The following KLHL32 variants were observed in gnomAD, a reference collection of about 807,000 sequenced individuals.
KLHL32 encodes the protein kelch-like protein 32.
Under a neutral mutation model 64.8 loss-of-function variants are expected in KLHL32, and 35 were observed. That is an observed-to-expected ratio of 0.54 (90% CI 0.41 to 0.72). The LOEUF (loss-of-function observed/expected upper bound fraction) is 0.72. KLHL32 is among the 30% of genes least tolerant of loss of function. KLHL32 has a pLI of 0.00. For missense variants in KLHL32, 589 were observed against 768.5 expected (o/e 0.77, Z 2.76); for synonymous variants, 259 against 281.0 (o/e 0.92, Z 0.78).
At chr6:97,000,186 G>A (rs1562230259) in intron 3 of KLHL32, among the ~76,000 whole-genome samples, 1 of 152,186 alleles carries the variant, frequency 6.6e-6, no homozygotes, top group Non-Finnish European at 1.5e-5. Flanking sequence ...GAGGACTCAG[G>A]AAAATTCAAC....
intron 4 of KLHL32, among the ~76,000 whole-genome samples, chr6:97,056,356 T>C (rs528142666): frequency 4.5e-4 from 68 of 152,186 alleles, no homozygotes; most frequent in South Asian, 2.5e-3. Context: ...CCTCCCGCCT[T>C]GGCCTCCCAA....
the KLHL32 span, among the ~76,000 whole-genome samples, chr6:96,903,287 ATACT>A: frequency 4.6e-5 from 7 of 151,896 alleles, no homozygotes; most frequent in East Asian, 1.9e-4. Context: ...TACAATTATA[ATACT>A]TACTCTCATT....
intron 4 of KLHL32, among the ~76,000 whole-genome samples, chr6:97,054,083 A>C (rs902467877): frequency 5.3e-5 from 8 of 152,142 alleles, no homozygotes; most frequent in Non-Finnish European, 8.8e-5. Context: ...ATTCTAACTT[A>C]AGTTTTTTAA....
chr6:97,125,918 T>G (rs892361539), intron 7 of KLHL32, among the ~76,000 whole-genome samples: 2 of 152,186 alleles, frequency 1.3e-5, no homozygotes, highest in Middle Eastern at 6.3e-3. Context: ...CAAGCAGCTT[T>G]TAAAATGATT....
chr6:96,928,683 G>T (rs1386693835), intron 1 of KLHL32, among the ~76,000 whole-genome samples: 1 of 152,106 alleles, frequency 6.6e-6, no homozygotes, highest in Admixed American at 6.6e-5. Context: ...TTCCTCTCAT[G>T]ATATCACTTT....
chr6:97,105,591 A>G (rs1035884543), intron 6 of KLHL32: 1 of 454,388 alleles, frequency 2.2e-6, no homozygotes, highest in African/African-American at 2.0e-5. Flanking sequence ...GTGCACCTTC[A>G]GCAGAGCTAT....
At chr6:97,126,057 GTT>G (rs1798841579) in intron 7 of KLHL32, among the ~76,000 whole-genome samples, 1 of 152,174 alleles carries the variant, frequency 6.6e-6, no homozygotes, top group South Asian at 2.1e-4. Context: ...CTGGGGGAAT[GTT>G]AAGGCCCTCT....
At chr6:96,975,902 C>A (rs576912136) in intron 2 of KLHL32, 95 bp from the exon 3 acceptor site, 167 of 913,320 alleles carry the variant, frequency 1.8e-4, no homozygotes, top group Admixed American at 1.7e-3. Context: ...CACTGGAACC[C>A]GTGTTGCCTC....
In KLHL32 at chr6:97,087,988, G is replaced by A. The variant is rs532446682; in HGVS notation, c.627+2647G>A. ...TACCCCAAGATGATGCCTTGGAACT[G>A]TTCTTTTTTTTCCATCTGACCTTTC... On this transcript the variant is annotated intron_variant, in intron 6 of 10. Coordinates refer to ENST00000369261, the MANE Select transcript of KLHL32 (RefSeq NM_052904.4). Among the ~76,000 whole-genome samples the A allele has an allele frequency of 5.9e-5, 9 of 152,234 alleles. No individual in the cohort carries two copies. In the East Asian group the frequency reaches 1.7e-3, roughly 29 times the overall value.
intron 4 of KLHL32, among the ~76,000 whole-genome samples, chr6:97,058,258 G>A (rs544959411): frequency 1.1e-3 from 162 of 152,168 alleles, no homozygotes; most frequent in African/African-American, 3.8e-3. Flanking sequence ...TTTAGAATCT[G>A]TTTGTTAATA....
chr6:96,976,628 C>G (rs182735519), intron 3 of KLHL32, among the ~76,000 whole-genome samples: 1 of 152,138 alleles, frequency 6.6e-6, no homozygotes, highest in African/African-American at 2.4e-5. Flanking sequence ...GACAAAGTCT[C>G]GCTCTTTCAC....
At chr6:97,125,689 G>T (rs1293523742) in intron 7 of KLHL32, among the ~76,000 whole-genome samples, 2 of 152,124 alleles carry the variant, frequency 1.3e-5, no homozygotes, top group Admixed American at 6.5e-5. Flanking sequence ...GTCTATCACA[G>T]TTAGGGTCCT....
intron 2 of KLHL32, among the ~76,000 whole-genome samples, chr6:96,971,435 C>G (rs1434499576): frequency 6.6e-6 from 1 of 152,194 alleles, no homozygotes; most frequent in Non-Finnish European, 1.5e-5. Context: ...GAACATCGTT[C>G]TCTGCATTTG....
chr6:96,970,055 A>G (rs1774941271), intron 2 of KLHL32, among the ~76,000 whole-genome samples: 1 of 152,160 alleles, frequency 6.6e-6, no homozygotes, highest in African/African-American at 2.4e-5. Flanking sequence ...TATGTAATCT[A>G]ACACCAAGAC....
At chr6:96,984,855 G>T (rs1562215633) in intron 3 of KLHL32, among the ~76,000 whole-genome samples, 1 of 152,148 alleles carries the variant, frequency 6.6e-6, no homozygotes, top group Non-Finnish European at 1.5e-5. Context: ...TTTAATTGGA[G>T]CATTTAGCCC....
At chr6:97,020,744 T>A (rs1781877001) in intron 3 of KLHL32, among the ~76,000 whole-genome samples, 1 of 150,998 alleles carries the variant, frequency 6.6e-6, no homozygotes, top group South Asian at 2.1e-4. Flanking sequence ...CACTTCCTAT[T>A]TCTTCCTTGA....
intron 1 of KLHL32, among the ~76,000 whole-genome samples, chr6:96,938,357 A>T (rs1169972753): frequency 6.6e-6 from 1 of 152,100 alleles, no homozygotes. Context: ...TCCCTGCCAG[A>T]GGGTCCTGGG....
intron 2 of KLHL32, among the ~76,000 whole-genome samples, chr6:96,969,542 C>T (rs376218122): frequency 3.3e-5 from 5 of 152,158 alleles, no homozygotes; most frequent in East Asian, 3.9e-4. Flanking sequence ...TCCATGCCTA[C>T]GTTGTCTAGT....
At chr6:97,007,645 T>TACACA (rs1285978235) in intron 3 of KLHL32, among the ~76,000 whole-genome samples, 38 of 152,274 alleles carry the variant, frequency 2.5e-4, no homozygotes, top group Middle Eastern at 3.4e-3. Flanking sequence ...TTGCTGTCCT[T>TACACA]TGGATGAGGT....
Sources: gnomAD v4.1 joint callset for allele counts (sites outside exome capture counted in the v4.1 genomes callset) on GRCh38, gnomAD v4.1.1 for gene constraint, MANE v1.5 for transcripts, NCBI Gene and HGNC (gene_info 2026-07-23, HGNC 2026-07-21) for gene names.